The following CCSER1 variants were observed in gnomAD, a reference collection of about 807,000 sequenced individuals.
CCSER1 encodes serine-rich coiled-coil domain-containing protein 1.
In CCSER1, 41 loss-of-function variants were observed where a neutral mutation model predicts 82.0. The observed-to-expected ratio is 0.50, with a 90% CI of 0.39 to 0.65. The LOEUF (loss-of-function observed/expected upper bound fraction) is 0.65. CCSER1 is among the 30% of genes least tolerant of loss of function. The pLI, the probability that CCSER1 is intolerant of heterozygous loss-of-function variation, is 0.00. For missense variants in CCSER1, 1,119 were observed against 1,064.2 expected (o/e 1.05, Z -0.72); for synonymous variants, 414 against 383.9 (o/e 1.08, Z -0.92).
At chr4:90,529,915 C>T (rs569558548) in intron 5 of CCSER1, among the ~76,000 whole-genome samples, 54 of 149,834 alleles carry the variant, frequency 3.6e-4, no homozygotes, top group Admixed American at 6.7e-4. Flanking sequence ...CTCATAGATC[C>T]TTTAGCAGCA....
At chr4:91,248,014 C>T (rs552600523) in intron 10 of CCSER1, among the ~76,000 whole-genome samples, 54 of 152,006 alleles carry the variant, frequency 3.6e-4, no homozygotes, top group Non-Finnish European at 1.3e-4. Context: ...AAACTAAGGG[C>T]GTGTTCTGAG....
intron 5 of CCSER1, among the ~76,000 whole-genome samples, chr4:90,532,472 A>G (rs941999869): frequency 1.3e-5 from 2 of 151,974 alleles, no homozygotes; most frequent in African/African-American, 4.8e-5. Context: ...TTGTCTGCCC[A>G]GAGTTTAAAA....
At chr4:91,052,768 A>G (rs1413470567) in intron 9 of CCSER1, among the ~76,000 whole-genome samples, 1 of 152,160 alleles carries the variant, frequency 6.6e-6, no homozygotes, top group Non-Finnish European at 1.5e-5. Flanking sequence ...AACATATACC[A>G]TATTTTGATG....
At chr4:91,325,414 AAGTATTTTTAGCT>A (rs1746490227) in intron 10 of CCSER1, 1 of 269,462 alleles carries the variant, frequency 3.7e-6, no homozygotes, top group South Asian at 3.6e-5. Flanking sequence ...GGGTAGGCAG[AAGTATTTTTAGCT>A]AGTACATTAT....
At chr4:91,380,411 C>A (rs1484720486) in intron 10 of CCSER1, among the ~76,000 whole-genome samples, 1 of 152,114 alleles carries the variant, frequency 6.6e-6, no homozygotes, top group Admixed American at 6.6e-5. Context: ...TAAGGACTTG[C>A]TTTATGAATA....
intron 4 of CCSER1, among the ~76,000 whole-genome samples, chr4:90,434,574 A>T (rs1471799723): frequency 1.3e-5 from 2 of 152,192 alleles, no homozygotes; most frequent in Non-Finnish European, 2.9e-5. Flanking sequence ...TGAGAAGGAA[A>T]TGAAGCACCA....
At chr4:90,598,630 G>A (rs1376274337) in intron 5 of CCSER1, among the ~76,000 whole-genome samples, 1 of 152,048 alleles carries the variant, frequency 6.6e-6, no homozygotes, top group East Asian at 1.9e-4. Flanking sequence ...TGTGTATTCA[G>A]GTCCTTTGTC....
At chr4:91,250,610 A>G (rs1740178107) in intron 10 of CCSER1, among the ~76,000 whole-genome samples, 1 of 151,530 alleles carries the variant, frequency 6.6e-6, no homozygotes, top group Admixed American at 6.6e-5. Flanking sequence ...TGGCTTTGTA[A>G]AGTTTCTTTC....
At chr4:90,871,828 TTATC>T (rs1251982760) in intron 8 of CCSER1, among the ~76,000 whole-genome samples, 5 of 151,818 alleles carry the variant, frequency 3.3e-5, no homozygotes, top group Non-Finnish European at 7.4e-5. Flanking sequence ...ATTTGCTTGT[TTATC>T]TGGGTGCTCT....
chr4:91,437,219 T>A (rs1415181785), intron 10 of CCSER1, among the ~76,000 whole-genome samples: 1 of 152,166 alleles, frequency 6.6e-6, no homozygotes, highest in Non-Finnish European at 1.5e-5. Context: ...TCTAAAGATA[T>A]CAGAATACTA....
chr4:90,972,272 A>G (rs182295646), intron 9 of CCSER1, among the ~76,000 whole-genome samples: 1 of 151,972 alleles, frequency 6.6e-6, no homozygotes, highest in Non-Finnish European at 1.5e-5. Flanking sequence ...ACTAATAAAT[A>G]AATTCAATAA....
intron 5 of CCSER1, among the ~76,000 whole-genome samples, chr4:90,529,707 G>A (rs751198266): frequency 2.0e-5 from 3 of 151,974 alleles, no homozygotes; most frequent in Non-Finnish European, 2.9e-5. Flanking sequence ...AACATTTAAC[G>A]AAATGTGGAT....
Position 91,279,612 on chromosome 4 carries a change from A to G in CCSER1, c.2217+193618A>G, listed in dbSNP as rs537602905. 4.4e-4 allele frequency among the ~76,000 whole-genome samples: 67 copies of G among 152,038 alleles called. No individual in the cohort carries two copies. The South Asian group carries it at 0.012, about 28-fold the overall frequency. On this transcript the variant is annotated intron_variant, in intron 10 of 10. Coordinates refer to ENST00000509176, the MANE Select transcript of CCSER1 (RefSeq NM_001145065.2). ...TATTTGGTTCTTTTTTGTGATATCT[A>G]TCTCTTTGGTAAATTGCTCATTCAT... is the stretch of plus-strand genomic sequence containing the variant.
At chr4:90,872,103 TA>T (rs951056663) in intron 8 of CCSER1, among the ~76,000 whole-genome samples, 33 of 151,302 alleles carry the variant, frequency 2.2e-4, no homozygotes, top group South Asian at 8.3e-4. Context: ...GTTGGGGCTT[TA>T]AAAAAAAATC....
chr4:91,143,056 A>G (rs1337936154), intron 10 of CCSER1, among the ~76,000 whole-genome samples: 1 of 152,140 alleles, frequency 6.6e-6, no homozygotes, highest in Non-Finnish European at 1.5e-5. Flanking sequence ...TTGAATCTGT[A>G]GATTGCTTTG....
At chr4:90,553,212 C>A (rs1321239510) in intron 5 of CCSER1, among the ~76,000 whole-genome samples, 1 of 152,164 alleles carries the variant, frequency 6.6e-6, no homozygotes, top group African/African-American at 2.4e-5. Flanking sequence ...TCGTGATCTA[C>A]CTGCCTTGGC....
At chr4:90,207,848 C>G (rs1196758939) in intron 1 of CCSER1, among the ~76,000 whole-genome samples, 1 of 152,172 alleles carries the variant, frequency 6.6e-6, no homozygotes, top group Non-Finnish European at 1.5e-5. Context: ...GCAAAGATTG[C>G]TGCCTATTCC....
intron 9 of CCSER1, among the ~76,000 whole-genome samples, chr4:91,077,573 C>T (rs961574971): frequency 6.6e-6 from 1 of 152,178 alleles, no homozygotes; most frequent in African/African-American, 2.4e-5. Context: ...TTCTGCATTT[C>T]CAACTGAGGT....
intron 5 of CCSER1, among the ~76,000 whole-genome samples, chr4:90,512,867 GTCT>G (rs368988102): frequency 5.4e-4 from 82 of 152,182 alleles, no homozygotes; most frequent in African/African-American, 1.9e-3. Context: ...AGTAAAACAT[GTCT>G]TCTTCTGGAC....
Sources: gnomAD v4.1 joint callset for allele counts (sites outside exome capture counted in the v4.1 genomes callset) on GRCh38, gnomAD v4.1.1 for gene constraint, MANE v1.5 for transcripts, NCBI Gene and HGNC (gene_info 2026-07-23, HGNC 2026-07-21) for gene names.